Variants in LMTK2 observed in about 807,000 individuals in gnomAD.
LMTK2 encodes the protein lemur tail kinase 2, also known as serine/threonine-protein kinase LMTK2.
In LMTK2, 37 loss-of-function variants were observed where a neutral mutation model predicts 127.5. That is an observed-to-expected ratio of 0.29 (90% CI 0.22 to 0.38). LMTK2 has a LOEUF of 0.38. Ranked by LOEUF, LMTK2 falls within the 10% of genes least tolerant of loss-of-function variation. LMTK2 has a pLI of 1.00. For synonymous variants in LMTK2, 819 were observed against 810.1 expected, an observed-to-expected ratio of 1.01 and a Z score of -0.19; for missense variants, 1,694 against 1,920.3, an observed-to-expected ratio of 0.88 and a Z score of 2.20.
chr7:98,132,070 G>A (rs1796527320), intron 1 of LMTK2, among the ~76,000 whole-genome samples: 2 of 152,198 alleles, frequency 1.3e-5, no homozygotes, highest in African/African-American at 4.8e-5. Context: ...CCCTGTGGGA[G>A]GGCTTGGGAG....
intron 2 of LMTK2, among the ~76,000 whole-genome samples, chr7:98,140,092 TTC>T (rs1308529257): frequency 4.8e-3 from 12 of 2,492 alleles, no homozygotes; most frequent in Admixed American, 0.013. Flanking sequence ...CTTTCTTTCT[TTC>T]TTTCTTTCTT....
Position 98,192,342 on chromosome 7 carries a change from G to A in LMTK2, c.1877G>A (p.Ser626Asn), listed in dbSNP as rs1797541946. Residue 626 changes from serine to asparagine, a missense_variant, in exon 11 of 14, where the codon AGT (serine) becomes AAT (asparagine). Physicochemically the swap from Ser to Asn is conservative, Grantham distance 46 (BLOSUM62 1). This residue lies in a region of LMTK2 where 527 missense variants were observed against 539.8 expected (regional missense o/e 0.98). Coordinates refer to ENST00000297293, the MANE Select transcript of LMTK2 (RefSeq NM_014916.4). ...TTACCAGGGGACTTACACGTGACCAGTGGCCCCGAGAGCCCTTTCAACAAT... is the reference window on the plus strand; with the variant it reads ...TTACCAGGGGACTTACACGTGACCAATGGCCCCGAGAGCCCTTTCAACAAT... ...SSLPGDLHVTSGPESPFNNIF... is the reference protein window; with the variant it reads ...SSLPGDLHVTNGPESPFNNIF... The A allele has an allele frequency of 6.3e-7, 1 of 1,576,400 alleles. No individual in the cohort carries two copies. The highest frequency in any genetic ancestry group is 1.4e-5 in the African/African-American group (1 of 73,276).
Position 98,191,836 on chromosome 7 carries a change from T to A in LMTK2, c.1371T>A (p.Arg457=). 6.2e-7 allele frequency: 1 copy of A among 1,614,000 alleles called. No individual in the cohort carries two copies. Among genetic ancestry groups the A allele is most frequent in the African/African-American group, 1.3e-5 (1 of 74,988 alleles). Residue 457 remains arginine, a synonymous_variant, in exon 11 of 14, where the codon CGT becomes CGA. Transcript: ENST00000297293. ...LDHFARDRLG[R]EMEEVLTVTE... The stretch of plus-strand genomic sequence containing the variant: ...ACTTTGCCAGGGACCGGCTGGGTCG[T>A]GAAATGGAGGAAGTCCTCACCGTGA...
At position 98,194,021 on chromosome 7, in the gene LMTK2, G is replaced by A; in HGVS notation, c.3556G>A (p.Gly1186Ser). 3 of 1,614,114 alleles carry A rather than the reference G, an allele frequency of 1.9e-6. No homozygotes were observed. Among genetic ancestry groups the A allele is most frequent in the African/African-American group, 2.7e-5 (2 of 75,066 alleles). ...LRATPEPAQTGVPQQVHPTED... is the reference protein window; with the variant it reads ...LRATPEPAQTSVPQQVHPTED... ...AGCCACGCCGGAGCCAGCACAGACT[G>A]GTGTTCCCCAGCAGGTGCATCCCAC... The change falls in exon 11 of 14, where the codon GGT (glycine) becomes AGT (serine). Residue 1186 changes from glycine (G) to serine (S), a missense_variant. Coordinates refer to ENST00000297293, the MANE Select transcript of LMTK2 (RefSeq NM_014916.4). This position sits in a 1 kb window ranked among gnomAD's most constrained non-coding sequence, Gnocchi z 5.4.
At chr7:98,111,449 CA>C (rs1164956897) in intron 1 of LMTK2, among the ~76,000 whole-genome samples, 1 of 152,152 alleles carries the variant, frequency 6.6e-6, no homozygotes, top group Non-Finnish European at 1.5e-5. Context: ...ATTCATGAAC[CA>C]ATCCTAGCTG....
At chr7:98,127,316 C>T (rs1247673568) in intron 1 of LMTK2, among the ~76,000 whole-genome samples, 7 of 152,106 alleles carry the variant, frequency 4.6e-5, no homozygotes, top group African/African-American at 9.7e-5. Flanking sequence ...GTGGTCCTAA[C>T]GTGCTAGGAG....
rs768765664 is a variant in LMTK2 at position 98,191,903 on chromosome 7, G to A, written c.1438G>A (p.Ala480Thr). The change falls in exon 11 of 14, where the codon GCC (alanine) becomes ACC (threonine). Residue 480 changes from alanine (A) to threonine (T), a missense_variant. By Grantham distance (58) the Ala-to-Thr change is moderately conservative. This residue lies in a region of LMTK2 where 216 missense variants were observed against 266.8 expected (regional missense o/e 0.81). Transcript: ENST00000297293. Reference protein sequence around the residue: ...QGLSFEYVWEAAKHDHFDERS... With the variant: ...QGLSFEYVWETAKHDHFDERS... ...CCTGAGCTTCGAGTATGTCTGGGAG[G>A]CCGCTAAGCACGACCACTTTGACGA... 13 of 1,614,078 alleles carry A rather than the reference G, an allele frequency of 8.1e-6. No individual in the cohort carries two copies. Among genetic ancestry groups the A allele is most frequent in the African/African-American group, 1.3e-5 (1 of 74,934 alleles).
At chr7:98,113,184 G>GT (rs1444419655) in intron 1 of LMTK2, among the ~76,000 whole-genome samples, 2 of 152,142 alleles carry the variant, frequency 1.3e-5, no homozygotes, top group Non-Finnish European at 2.9e-5. Flanking sequence ...CATGGGGGTG[G>GT]TTACCCCCAT....
intron 13 of LMTK2, among the ~76,000 whole-genome samples, chr7:98,204,718 C>T (rs1456956900): frequency 6.6e-6 from 1 of 152,260 alleles, no homozygotes; most frequent in Non-Finnish European, 1.5e-5. Context: ...TCGTTACCGG[C>T]CACCCTGTGG....
rs987975451 is a variant in LMTK2 at position 98,116,891 on chromosome 7, A to G, written c.103+9611A>G. 6.7e-4 allele frequency among the ~76,000 whole-genome samples: 102 copies of G among 152,158 alleles called. 1 individual carries two copies. Among genetic ancestry groups the G allele is most frequent in the African/African-American group, 2.4e-3 (99 of 41,434 alleles). On this transcript the variant is annotated intron_variant, in intron 1 of 13. Coordinates refer to ENST00000297293, the MANE Select transcript of LMTK2 (RefSeq NM_014916.4). ...GCTTTGAGGAGTACTGACTGGTCAG[A>G]TATTTTGTAGAATGTCCCTCAACTG...
Position 98,193,776 on chromosome 7 carries a change from C to T in LMTK2, c.3311C>T (p.Ala1104Val), listed in dbSNP as rs201625045. Residue 1104 changes from alanine (A) to valine (V), a missense_variant, in exon 11 of 14, where the codon GCG becomes GTG. By Grantham distance (64) the Ala-to-Val change is moderately conservative (BLOSUM62 0). Transcript: ENST00000297293. The surrounding 1 kb of genome is among the most constrained non-coding windows in gnomAD (Gnocchi z 4.1). ...AGSQGSYRDS[A>V]YFSDNDSEPE... Reference sequence around the variant, plus strand: ...TCCCAGGGTTCATACCGAGACTCTGCGTACTTCTCAGACAATGACTCTGAG... The same window carrying T: ...TCCCAGGGTTCATACCGAGACTCTGTGTACTTCTCAGACAATGACTCTGAG... 6 of 1,613,978 alleles carry T rather than the reference C, an allele frequency of 3.7e-6. No individual in the cohort carries two copies. The highest frequency in any genetic ancestry group is 1.1e-5 in the South Asian group (1 of 91,076).
chr7:98,150,691 C>T (rs1448204902), intron 3 of LMTK2, among the ~76,000 whole-genome samples: 1 of 152,196 alleles, frequency 6.6e-6, no homozygotes, highest in African/African-American at 2.4e-5. Flanking sequence ...TAAGAATAAA[C>T]TCTAGATACA....
At chr7:98,125,908 A>G (rs1307904923) in intron 1 of LMTK2, among the ~76,000 whole-genome samples, 1 of 152,214 alleles carries the variant, frequency 6.6e-6, no homozygotes, top group African/African-American at 2.4e-5. Flanking sequence ...ACCCGGGCCC[A>G]GCCGTCTCTC....
chr7:98,136,624 C>T (rs753668587), intron 1 of LMTK2, among the ~76,000 whole-genome samples: 20 of 152,156 alleles, frequency 1.3e-4, no homozygotes, highest in Non-Finnish European at 2.6e-4. Context: ...GGGTTGGTGA[C>T]GCCTGGTGGG....
rs1264924447 is a variant in LMTK2 at position 98,171,382 on chromosome 7, T to C, written c.658-159T>C. 6.6e-6 allele frequency among the ~76,000 whole-genome samples: 1 copy of C among 152,240 alleles called. No individual in the cohort carries two copies. Among genetic ancestry groups the C allele is most frequent in the Admixed American group, 6.5e-5 (1 of 15,288 alleles). ...AATGTTCCTAAAAGCATAATAGTGT[T>C]CTATACTTTCGCAGTATTGGGTTGG... On this transcript the variant is annotated intron_variant, in intron 6 of 13. Coordinates refer to ENST00000297293, the MANE Select transcript of LMTK2 (RefSeq NM_014916.4). The surrounding 1 kb of genome is among the most constrained non-coding windows in gnomAD (Gnocchi z 5.1).
At chr7:98,170,306 A>C (rs1299401980) in intron 6 of LMTK2, among the ~76,000 whole-genome samples, 1 of 152,234 alleles carries the variant, frequency 6.6e-6, no homozygotes, top group African/African-American at 2.4e-5. Flanking sequence ...ATTATCACTC[A>C]TGTAAAGATC....
rs964384803 is a variant in LMTK2, at chr7:98,132,781, AT to A, written c.104-4524del. Among the ~76,000 whole-genome samples, 88 of 150,228 alleles carry A rather than the reference AT, an allele frequency of 5.9e-4. No homozygotes were observed. The Middle Eastern group carries it at 0.01, about 17-fold the overall frequency. ...CATTTCTTTTTATCTGTGGCCTTTA[AT>A]TTTTTTTTTAATTGAATCCCAAAAT... On this transcript the variant is annotated intron_variant, in intron 1 of 13. Coordinates refer to ENST00000297293, the MANE Select transcript of LMTK2 (RefSeq NM_014916.4).
Position 98,193,348 on chromosome 7 carries a change from A to AGC in LMTK2, c.2884_2885dup (p.Gly963GlnfsTer52). 6.2e-7 allele frequency: 1 copy of AGC among 1,614,214 alleles called. No individual in the cohort carries two copies. Among genetic ancestry groups the AGC allele is most frequent in the Non-Finnish European group, 8.5e-7 (1 of 1,180,034 alleles). The stretch of plus-strand genomic sequence containing the variant: ...TCAATTCTAAAGACGCAGCAAAAGA[A>AGC]GCAGGCTTGGTGTCTGCCCTCTCCT... On this transcript the variant is annotated frameshift_variant, in exon 11 of 14. Coordinates refer to ENST00000297293, the MANE Select transcript of LMTK2 (RefSeq NM_014916.4). LOFTEE classifies it high-confidence loss of function. This position sits in a 1 kb window ranked among gnomAD's most constrained non-coding sequence, Gnocchi z 4.1.
chr7:98,132,936 C>G (rs147221610), intron 1 of LMTK2, among the ~76,000 whole-genome samples: 2 of 152,224 alleles, frequency 1.3e-5, no homozygotes, highest in Non-Finnish European at 2.9e-5. Flanking sequence ...CCTGGCTTAC[C>G]TTGAGTCATT....
Sources: allele counts gnomAD v4.1 joint callset (sites outside exome capture counted in the v4.1 genomes callset), GRCh38; gene constraint gnomAD v4.1.1; regional missense constraint gnomAD v4.1.1; non-coding constraint Gnocchi (gnomAD v3.1); transcripts MANE v1.5; gene names NCBI Gene and HGNC (gene_info 2026-07-23, HGNC 2026-07-21).